FHIT: variants seen among roughly 807,000 people sequenced by gnomAD.
FHIT encodes the protein fragile histidine triad diadenosine triphosphatase.
A neutral mutation model predicts 17.9 loss-of-function variants in FHIT; 19 were observed. The observed-to-expected ratio is 1.06, with a 90% CI of 0.74 to 1.56. The LOEUF (loss-of-function observed/expected upper bound fraction) is 1.56. Ranked by LOEUF, FHIT falls within the 40% of genes most tolerant of loss-of-function variation. The pLI, the probability that FHIT is intolerant of heterozygous loss-of-function variation, is 0.00. For synonymous variants in FHIT, 81 were observed against 69.7 expected, an observed-to-expected ratio of 1.16 and a Z score of -0.81; for missense variants, 248 against 189.2, an observed-to-expected ratio of 1.31 and a Z score of -1.82.
At chr3:60,353,114 A>T (rs1432740576) in intron 5 of FHIT, among the ~76,000 whole-genome samples, 1 of 152,176 alleles carries the variant, frequency 6.6e-6, no homozygotes, top group Non-Finnish European at 1.5e-5. Flanking sequence ...TTTCAAGGTG[A>T]TCTTAATATT....
chr3:59,899,663 G>A (rs9851914), intron 8 of FHIT, among the ~76,000 whole-genome samples: 25,226 of 150,728 alleles, frequency 0.17, 2,743 homozygotes, highest in African/African-American at 0.31. Context: ...GCGAAACCCC[G>A]TCTGTACTAA....
Position 61,191,821 on chromosome 3 carries a change from C to G in FHIT, c.-164+8796G>C, listed in dbSNP as rs2038724809. ...TGAGCAGCCTCTTCTGATTGCTTAA[C>G]ATGCCGGCCAAATTGTATTTTCTAT... On this transcript the variant is annotated intron_variant, in intron 2 of 9. Coordinates refer to ENST00000492590, the MANE Select transcript of FHIT (RefSeq NM_002012.4). 2.0e-5 allele frequency among the ~76,000 whole-genome samples: 3 copies of G among 152,020 alleles called. 1 individual carries two copies. In the South Asian group the frequency reaches 6.2e-4, roughly 32 times the overall value.
chr3:61,101,700 T>A (rs764542210), intron 2 of FHIT, among the ~76,000 whole-genome samples: 1 of 152,210 alleles, frequency 6.6e-6, no homozygotes, highest in Non-Finnish European at 1.5e-5. Flanking sequence ...GGAATATTCT[T>A]CCATTTGTTT....
Position 60,038,689 on chromosome 3 carries a change from C to T in FHIT, c.104-24537G>A, listed in dbSNP as rs192099794. On this transcript the variant is annotated intron_variant, in intron 5 of 9. Coordinates refer to ENST00000492590, the MANE Select transcript of FHIT (RefSeq NM_002012.4). ...ATACATTTTTAAGCTGAAAAAGTTG[C>T]TCGCTACTGATAAAAGAATTTATAT... 2.9e-4 allele frequency among the ~76,000 whole-genome samples: 29 copies of T among 98,478 alleles called. No homozygotes were observed. In the East Asian group the frequency reaches 6.0e-3, roughly 20 times the overall value. The allele number at this position is 98,478 out of a possible 152,430, so 64.6% of individuals were successfully genotyped here.
chr3:61,112,566 A>C (rs2036191176), intron 2 of FHIT, among the ~76,000 whole-genome samples: 1 of 152,140 alleles, frequency 6.6e-6, no homozygotes, highest in Non-Finnish European at 1.5e-5. Context: ...TGTCCACTTG[A>C]GTCATTATGA....
intron 5 of FHIT, among the ~76,000 whole-genome samples, chr3:60,357,834 A>G (rs572175714): frequency 3.0e-4 from 46 of 152,320 alleles, no homozygotes; most frequent in Admixed American, 2.1e-3. Context: ...GTCTTTGCAT[A>G]AGACTACCTT....
At chr3:60,370,167 T>C (rs1700268859) in intron 5 of FHIT, among the ~76,000 whole-genome samples, 1 of 151,720 alleles carries the variant, frequency 6.6e-6, no homozygotes, top group East Asian at 2.0e-4. Context: ...TCACCTGTGT[T>C]AAGTTTATAG....
At chr3:60,696,414 A>C (rs1162644867) in intron 4 of FHIT, among the ~76,000 whole-genome samples, 1 of 152,234 alleles carries the variant, frequency 6.6e-6, no homozygotes, top group Non-Finnish European at 1.5e-5. Flanking sequence ...TATTCACTAC[A>C]GTCAAATGAA....
chr3:59,950,522 G>A (rs1195624406), intron 7 of FHIT, among the ~76,000 whole-genome samples: 1 of 150,006 alleles, frequency 6.7e-6, no homozygotes, highest in Non-Finnish European at 1.5e-5. Flanking sequence ...AATACAGTCA[G>A]AGTACTTGCC....
intron 7 of FHIT, among the ~76,000 whole-genome samples, chr3:60,003,200 T>A (rs541957538): frequency 3.3e-5 from 5 of 152,126 alleles, no homozygotes; most frequent in African/African-American, 7.2e-5. Context: ...ACATCCCACA[T>A]TGCACTGCTT....
chr3:60,767,524 C>A (rs551349235), intron 4 of FHIT, among the ~76,000 whole-genome samples: 3 of 152,324 alleles, frequency 2.0e-5, no homozygotes, highest in African/African-American at 4.8e-5. Context: ...CTAATCCAGA[C>A]TATTTACTCT....
At chr3:60,854,663 G>A (rs530314505) in intron 3 of FHIT, among the ~76,000 whole-genome samples, 21 of 151,762 alleles carry the variant, frequency 1.4e-4, no homozygotes, top group African/African-American at 3.6e-4. Flanking sequence ...GGCAAGAAGA[G>A]GGGGAAAGGC....
At position 60,507,352 on chromosome 3, in the gene FHIT, C is replaced by T. The variant is rs114008459; in HGVS notation, c.103+29508G>A. On this transcript the variant is annotated intron_variant, in intron 5 of 9. Coordinates refer to ENST00000492590, the MANE Select transcript of FHIT (RefSeq NM_002012.4). ...GCTGGGCATGAAAGAAAGAGGGAGG[C>T]CTGGCATGTGGTGAGATTAGAGAGA... Among the ~76,000 whole-genome samples the T allele has an allele frequency of 3.5e-3, 535 of 152,244 alleles. 3 individuals are homozygous for T. The highest frequency in any genetic ancestry group is 5.6e-3 in the Non-Finnish European group (380 of 68,016).
intron 4 of FHIT, among the ~76,000 whole-genome samples, chr3:60,554,545 A>C (rs2036678930): frequency 6.6e-6 from 1 of 152,212 alleles, no homozygotes; most frequent in Non-Finnish European, 1.5e-5. Context: ...TGTATGGTAA[A>C]TCTGAATCAA....
intron 4 of FHIT, among the ~76,000 whole-genome samples, chr3:60,540,302 T>G (rs906689445): frequency 6.6e-6 from 1 of 152,212 alleles, no homozygotes; most frequent in Non-Finnish European, 1.5e-5. Context: ...GATAAACTGG[T>G]AAACTTAAGT....
chr3:59,779,457 G>C (rs868550755), intron 8 of FHIT, among the ~76,000 whole-genome samples: 4 of 152,088 alleles, frequency 2.6e-5, no homozygotes. Flanking sequence ...ATTCTGAGCT[G>C]AGATGATTTA....
chr3:60,273,509 C>A (rs1002883512), intron 5 of FHIT, among the ~76,000 whole-genome samples: 2 of 152,034 alleles, frequency 1.3e-5, no homozygotes, highest in African/African-American at 4.8e-5. Flanking sequence ...ACTCAGGAGG[C>A]TGAGGGGGAG....
chr3:60,850,640 G>C (rs368011855), intron 3 of FHIT, among the ~76,000 whole-genome samples: 1 of 152,012 alleles, frequency 6.6e-6, no homozygotes, highest in East Asian at 1.9e-4. Flanking sequence ...CCAGAGCCAG[G>C]TGCCTGTCCA....
intron 4 of FHIT, among the ~76,000 whole-genome samples, chr3:60,601,910 A>G (rs1452921469): frequency 3.5e-5 from 5 of 141,018 alleles, no homozygotes; most frequent in Non-Finnish European, 8.0e-5. Context: ...AACTTAATTA[A>G]TTCATTAGAA....
Sources: allele counts gnomAD v4.1 joint callset (sites outside exome capture counted in the v4.1 genomes callset), GRCh38; gene constraint gnomAD v4.1.1; transcripts MANE v1.5; gene names NCBI Gene and HGNC (gene_info 2026-07-23, HGNC 2026-07-21).